The following ADRA1A variants were observed in gnomAD, a reference collection of about 807,000 sequenced individuals.
ADRA1A encodes alpha-1A adrenergic receptor.
Under a neutral mutation model 29.6 loss-of-function variants are expected in ADRA1A, and 31 were observed. That is an observed-to-expected ratio of 1.05 (90% CI 0.79 to 1.41). The LOEUF (loss-of-function observed/expected upper bound fraction) is 1.41. ADRA1A is among the 40% of genes most tolerant of loss of function. The pLI is 0.00. For synonymous variants in ADRA1A, 311 were observed against 254.3 expected, an observed-to-expected ratio of 1.22 and a Z score of -2.12; for missense variants, 619 against 601.1, an observed-to-expected ratio of 1.03 and a Z score of -0.31.
chr8:26,857,920 C>T (rs538132984), intron 2 of ADRA1A, among the ~76,000 whole-genome samples: 8 of 152,268 alleles, frequency 5.3e-5, no homozygotes, highest in African/African-American at 1.4e-4. Context: ...ATGTTCTGCT[C>T]CATTAGGGCA....
At chr8:26,760,250 T>G (rs1805429040) in intron 2 of ADRA1A, among the ~76,000 whole-genome samples, 1 of 152,054 alleles carries the variant, frequency 6.6e-6, no homozygotes, top group Non-Finnish European at 1.5e-5. Flanking sequence ...TGGCATGGGA[T>G]TTTTCAAGAG....
chr8:26,834,555 C>T (rs1234773409), intron 2 of ADRA1A, among the ~76,000 whole-genome samples: 1 of 152,228 alleles, frequency 6.6e-6, no homozygotes, highest in Admixed American at 6.5e-5. Context: ...AATTAACATT[C>T]TCTCTTTCCT....
chr8:26,865,042 G>T lies in ADRA1A; in HGVS notation c.-73C>A. ...CGGGCTGGCGCGGAGGCGGGAGCGC[G>T]GGAGCCGGGAATCAAAAGGTCTCGG... On this transcript the variant is annotated 5_prime_UTR_variant, in exon 2 of 3. Coordinates refer to ENST00000380573, the MANE Select transcript of ADRA1A (RefSeq NM_000680.4). This position sits in a 1 kb window ranked among gnomAD's most constrained non-coding sequence, Gnocchi z 7.6. The T allele has an allele frequency of 6.6e-7, 1 of 1,518,286 alleles. No individual in the cohort carries two copies. Among genetic ancestry groups the T allele is most frequent in the Non-Finnish European group, 8.8e-7 (1 of 1,142,602 alleles). The allele number at this position is 1,518,286 out of a possible 1,614,324, so 94.1% of individuals were successfully genotyped here.
chr8:26,807,537 C>G (rs1176670139), intron 2 of ADRA1A, among the ~76,000 whole-genome samples: 1 of 152,074 alleles, frequency 6.6e-6, no homozygotes, highest in African/African-American at 2.4e-5. Context: ...GTATCTGTCT[C>G]TCTTAATAGA....
chr8:26,809,645 G>A (rs772780865), intron 2 of ADRA1A, among the ~76,000 whole-genome samples: 1 of 152,216 alleles, frequency 6.6e-6, no homozygotes, highest in African/African-American at 2.4e-5. Flanking sequence ...AGTATGTAGT[G>A]CATTTCTATT....
intron 2 of ADRA1A, among the ~76,000 whole-genome samples, chr8:26,840,401 C>G (rs946162255): frequency 1.3e-5 from 2 of 152,126 alleles, no homozygotes; most frequent in Non-Finnish European, 2.9e-5. Context: ...GTGACACAGT[C>G]GAGCCCTGCT....
At chr8:26,836,491 T>C (rs1202220705) in intron 2 of ADRA1A, among the ~76,000 whole-genome samples, 1 of 152,204 alleles carries the variant, frequency 6.6e-6, no homozygotes, top group Non-Finnish European at 1.5e-5. Context: ...ACAATGATGA[T>C]GTTCTTACAC....
In ADRA1A at chr8:26,805,795, T is replaced by C. The variant is rs1352854509; in HGVS notation, c.884-35129A>G. On this transcript the variant is annotated intron_variant, in intron 2 of 2. Coordinates refer to ENST00000380573, the MANE Select transcript of ADRA1A (RefSeq NM_000680.4). The surrounding 1 kb of genome is among the most constrained non-coding windows in gnomAD (Gnocchi z 4.8). The stretch of plus-strand genomic sequence containing the variant: ...GTTACTGGAACTTCAGTAAGCTCAT[T>C]ACTTGAACACATTTATTTTTAACCA... Among the ~76,000 whole-genome samples the C allele has an allele frequency of 1.3e-5, 2 of 152,200 alleles. No individual in the cohort carries two copies. Among genetic ancestry groups the C allele is most frequent in the Admixed American group, 1.3e-4 (2 of 15,288 alleles).
chr8:26,748,290 ATG>A (rs142575448), exon 3 of ADRA1A: 39 of 159,430 alleles, frequency 2.4e-4, no homozygotes, highest in South Asian at 1.1e-3. Flanking sequence ...CATGGAGAGA[ATG>A]TGTGTGTGTG....
chr8:26,791,512 A>G (rs893030485), intron 2 of ADRA1A, among the ~76,000 whole-genome samples: 2 of 152,186 alleles, frequency 1.3e-5, no homozygotes, highest in African/African-American at 4.8e-5. Flanking sequence ...AGAGCTTCAC[A>G]TGCAGCAGCT....
chr8:26,785,883 G>A (rs1455860234), intron 2 of ADRA1A, among the ~76,000 whole-genome samples: 1 of 152,166 alleles, frequency 6.6e-6, no homozygotes. Flanking sequence ...GACGTCTTCA[G>A]TAGATCAGAA....
chr8:26,812,900 T>C (rs993355962), intron 2 of ADRA1A, among the ~76,000 whole-genome samples: 1 of 151,970 alleles, frequency 6.6e-6, no homozygotes, highest in Non-Finnish European at 1.5e-5. Flanking sequence ...TCTCCTGACC[T>C]TGTGATCCGC....
In ADRA1A at chr8:26,796,902, C is replaced by A. The variant is rs35677516; in HGVS notation, c.884-26236G>T. 0.1 allele frequency among the ~76,000 whole-genome samples: 15,857 copies of A among 152,004 alleles called. 1,335 individuals are homozygous for A. The highest frequency in any genetic ancestry group is 0.33 in the East Asian group (1,697 of 5,154). On this transcript the variant is annotated intron_variant, in intron 2 of 2. Coordinates refer to ENST00000380573, the MANE Select transcript of ADRA1A (RefSeq NM_000680.4). This position sits in a 1 kb window ranked among gnomAD's most constrained non-coding sequence, Gnocchi z 5.0. ...ATTGGAGAGGTTTATTCCCTCACTGCGCAAATTTTTATAGAGATGAGACTG... is the reference window on the plus strand; with the variant it reads ...ATTGGAGAGGTTTATTCCCTCACTGAGCAAATTTTTATAGAGATGAGACTG...
chr8:26,758,484 T>C (rs565351943), intron 2 of ADRA1A, among the ~76,000 whole-genome samples: 40 of 152,350 alleles, frequency 2.6e-4, no homozygotes, highest in African/African-American at 9.4e-4. Flanking sequence ...GGGCCTACTA[T>C]GATTTTATAG....
chr8:26,851,279 GA>G (rs1261530827), intron 2 of ADRA1A, among the ~76,000 whole-genome samples: 10 of 152,152 alleles, frequency 6.6e-5, no homozygotes, highest in African/African-American at 2.4e-4. Context: ...AGAGAGAACT[GA>G]AGGTTTAAAC....
chr8:26,816,628 A>G (rs764741028), intron 2 of ADRA1A, among the ~76,000 whole-genome samples: 2 of 151,926 alleles, frequency 1.3e-5, no homozygotes, highest in African/African-American at 4.8e-5. Flanking sequence ...GGCAGCCTGC[A>G]TGGCACCCAG....
chr8:26,756,269 C>A (rs1805159366), downstream of ADRA1A: 1 of 350,536 alleles, frequency 2.9e-6, no homozygotes, highest in Non-Finnish European at 4.6e-6. Context: ...TTGTTTCAAT[C>A]TAAATGAACA....
At position 26,775,529 on chromosome 8, in the gene ADRA1A, A is replaced by G. The variant is rs1020301401; in HGVS notation, c.884-4863T>C. Reference sequence around the variant, plus strand: ...AATAGGGGCTCCTACTTCTTTGGTCACCGTAGCTATGGTTTTCTCCTCAAC... The same window carrying G: ...AATAGGGGCTCCTACTTCTTTGGTCGCCGTAGCTATGGTTTTCTCCTCAAC... On this transcript the variant is annotated intron_variant, in intron 2 of 2. Transcript: ENST00000380573. This position sits in a 1 kb window ranked among gnomAD's most constrained non-coding sequence, Gnocchi z 4.1. Among the ~76,000 whole-genome samples the G allele has an allele frequency of 6.6e-6, 1 of 152,164 alleles. No individual in the cohort carries two copies. The highest frequency in any genetic ancestry group is 1.5e-5 in the Non-Finnish European group (1 of 68,018).
At chr8:26,845,386 A>G (rs1039024384) in intron 2 of ADRA1A, among the ~76,000 whole-genome samples, 2 of 152,206 alleles carry the variant, frequency 1.3e-5, no homozygotes, top group Non-Finnish European at 2.9e-5. Context: ...ACATCACTAG[A>G]GATACTATTT....
Sources: gnomAD v4.1 joint callset for allele counts (sites outside exome capture counted in the v4.1 genomes callset) on GRCh38, gnomAD v4.1.1 for gene constraint, Gnocchi (gnomAD v3.1) non-coding constraint, MANE v1.5 for transcripts, NCBI Gene and HGNC (gene_info 2026-07-23, HGNC 2026-07-21) for gene names.